Variants in TMEM108 observed in about 807,000 individuals in gnomAD.
TMEM108 encodes cancer/testis antigen 124.
TMEM108 carries 12 observed loss-of-function variants against 35.1 expected under a neutral mutation model. That is an observed-to-expected ratio of 0.34 (90% CI 0.22 to 0.55). TMEM108 has a LOEUF of 0.55. TMEM108 is among the 20% of genes least tolerant of loss of function. The pLI is 0.89. For synonymous variants in TMEM108, 287 were observed against 308.6 expected (o/e 0.93, Z 0.73); for missense variants, 680 against 753.3 (o/e 0.90, Z 1.14).
intron 2 of TMEM108, among the ~76,000 whole-genome samples, chr3:133,056,372 C>T (rs1442112944): frequency 6.6e-6 from 1 of 152,202 alleles, no homozygotes; most frequent in Non-Finnish European, 1.5e-5. Context: ...GATAGATCTG[C>T]ATTTCTATCC....
chr3:133,322,556 G>T (rs2071279662), intron 3 of TMEM108, among the ~76,000 whole-genome samples: 1 of 152,044 alleles, frequency 6.6e-6, no homozygotes, highest in South Asian at 2.1e-4. Context: ...AAAAATCCAG[G>T]ACCAGACGGA....
intron 3 of TMEM108, among the ~76,000 whole-genome samples, chr3:133,374,508 GTGTGTA>G (rs1379621878): frequency 6.7e-6 from 1 of 150,266 alleles, no homozygotes; most frequent in Non-Finnish European, 1.5e-5. Context: ...TTAAGAGAAA[GTGTGTA>G]TGTATATGTG....
chr3:133,289,400 C>T (rs1947030858), intron 3 of TMEM108, among the ~76,000 whole-genome samples: 1 of 152,194 alleles, frequency 6.6e-6, no homozygotes, highest in Non-Finnish European at 1.5e-5. Context: ...CCCTAGGGTA[C>T]TACAGTGAAC....
At chr3:133,280,247 C>T (rs556696086) in intron 3 of TMEM108, among the ~76,000 whole-genome samples, 12 of 152,264 alleles carry the variant, frequency 7.9e-5, no homozygotes, top group African/African-American at 2.6e-4. Flanking sequence ...AAAAATTACA[C>T]GGTTTTCACC....
In TMEM108 at chr3:133,329,711, C is replaced by T. The variant is rs753410499; in HGVS notation, c.41-50041C>T. On this transcript the variant is annotated intron_variant, in intron 3 of 5. Coordinates refer to ENST00000321871, the MANE Select transcript of TMEM108 (RefSeq NM_023943.4). ...AAGTTTCAACAATTCTTATCATAGCCTGCAGGCACACAAGAGCAGGAGAAA... is the reference window on the plus strand; with the variant it reads ...AAGTTTCAACAATTCTTATCATAGCTTGCAGGCACACAAGAGCAGGAGAAA... Among the ~76,000 whole-genome samples the T allele has an allele frequency of 2.0e-5, 3 of 152,176 alleles. No individual in the cohort carries two copies. The South Asian group carries it at 6.2e-4, about 32-fold the overall frequency.
chr3:133,152,546 A>T (rs1330482749), intron 2 of TMEM108, among the ~76,000 whole-genome samples: 1 of 152,130 alleles, frequency 6.6e-6, no homozygotes, highest in Non-Finnish European at 1.5e-5. Flanking sequence ...TGCCTTTGTC[A>T]CATGACCCCT....
intron 3 of TMEM108, among the ~76,000 whole-genome samples, chr3:133,373,962 A>C (rs1372990056): frequency 6.6e-6 from 1 of 152,160 alleles, no homozygotes; most frequent in Non-Finnish European, 1.5e-5. Flanking sequence ...CTTCACTTTC[A>C]TGTCCGGTGC....
chr3:133,376,892 A>G lies in TMEM108; in HGVS notation c.41-2860A>G, dbSNP rs576496860. 1.5e-4 allele frequency among the ~76,000 whole-genome samples: 23 copies of G among 152,298 alleles called. No individual in the cohort carries two copies. The South Asian group carries it at 4.6e-3, about 30-fold the overall frequency. On this transcript the variant is annotated intron_variant, in intron 3 of 5. Coordinates refer to ENST00000321871, the MANE Select transcript of TMEM108 (RefSeq NM_023943.4). Reference sequence around the variant, plus strand: ...TTTGCTAGGGCTTCCATAACACAATACCACAGACAGAAATGTACTTCCTCA... The same window carrying G: ...TTTGCTAGGGCTTCCATAACACAATGCCACAGACAGAAATGTACTTCCTCA...
chr3:133,329,409 A>G, intron 3 of TMEM108, among the ~76,000 whole-genome samples: 1 of 152,194 alleles, frequency 6.6e-6, no homozygotes, highest in East Asian at 1.9e-4. Context: ...ATTGATGCCT[A>G]GATCCTATGA....
In TMEM108 at chr3:133,356,077, A is replaced by G. The variant is rs1397429968; in HGVS notation, c.41-23675A>G. Among the ~76,000 whole-genome samples, 5 of 152,138 alleles carry G rather than the reference A, an allele frequency of 3.3e-5. No individual in the cohort carries two copies. In the South Asian group the frequency reaches 6.2e-4, roughly 19 times the overall value. ...TATGATCATATATATAGAACACCCT[A>G]AAGACTTATCCAAAAGGCTCCTAGA... On this transcript the variant is annotated intron_variant, in intron 3 of 5. Transcript: ENST00000321871.
chr3:133,074,315 A>G (rs1247710204), intron 2 of TMEM108: 1 of 152,102 alleles, frequency 6.6e-6, no homozygotes, highest in Non-Finnish European at 1.5e-5. Context: ...TCATGTACAG[A>G]TGCTTTTCAA....
At chr3:133,351,601 C>G (rs1423534970) in intron 3 of TMEM108, among the ~76,000 whole-genome samples, 1 of 152,094 alleles carries the variant, frequency 6.6e-6, no homozygotes, top group Non-Finnish European at 1.5e-5. Context: ...GGAAGACACC[C>G]TCAGGATTAA....
At chr3:133,264,535 T>C (rs1946670586) in intron 3 of TMEM108, among the ~76,000 whole-genome samples, 1 of 152,164 alleles carries the variant, frequency 6.6e-6, no homozygotes, top group Non-Finnish European at 1.5e-5. Context: ...GTAACACCGT[T>C]TTGTAGCAAA....
chr3:133,112,737 A>T (rs1014326066), intron 2 of TMEM108, among the ~76,000 whole-genome samples: 2 of 152,182 alleles, frequency 1.3e-5, no homozygotes, highest in Admixed American at 1.3e-4. Context: ...TGTGTTTATC[A>T]ATTGAGAGTA....
intron 2 of TMEM108, among the ~76,000 whole-genome samples, chr3:133,070,333 G>A (rs1943661176): frequency 1.3e-5 from 2 of 152,180 alleles, no homozygotes; most frequent in South Asian, 4.1e-4. Context: ...CAAGAGAGGA[G>A]TACAAAATGG....
intron 4 of TMEM108, chr3:133,386,536 G>A (rs2073153117): frequency 1.3e-6 from 2 of 1,527,806 alleles, no homozygotes; most frequent in African/African-American, 1.4e-5. Context: ...GACAAGCCAT[G>A]GATGACTCCC....
At chr3:133,098,256 C>T (rs1309124381) in intron 2 of TMEM108, among the ~76,000 whole-genome samples, 1 of 152,140 alleles carries the variant, frequency 6.6e-6, no homozygotes, top group African/African-American at 2.4e-5. Context: ...GTGGAAACCC[C>T]AGATAAACCA....
At chr3:133,229,798 T>C (rs189258970) in intron 3 of TMEM108, among the ~76,000 whole-genome samples, 1 of 152,380 alleles carries the variant, frequency 6.6e-6, no homozygotes, top group Admixed American at 6.5e-5. Flanking sequence ...CCTGTTGCCA[T>C]ACAGCCTTTG....
intron 2 of TMEM108, among the ~76,000 whole-genome samples, chr3:133,104,556 T>A (rs1944126624): frequency 6.6e-6 from 1 of 152,180 alleles, no homozygotes. Flanking sequence ...AGCAGGTGTT[T>A]TTCTGATATC....
Sources: allele counts gnomAD v4.1 joint callset (sites outside exome capture counted in the v4.1 genomes callset), GRCh38; gene constraint gnomAD v4.1.1; transcripts MANE v1.5; gene names NCBI Gene and HGNC (gene_info 2026-07-23, HGNC 2026-07-21).